The following WASF1 variants were observed in gnomAD, a reference collection of about 807,000 sequenced individuals.
WASF1 encodes WASP family member 1, also known as actin-binding protein WASF1.
WASF1 carries 7 observed loss-of-function variants against 50.5 expected under a neutral mutation model. That is an observed-to-expected ratio of 0.14 (90% CI 0.08 to 0.26). The LOEUF is 0.26. WASF1 is among the 10% of genes least tolerant of loss of function. The probability of loss-of-function intolerance (pLI) is 1.00; values close to 1 mark genes in which losing one functional copy is unlikely to be tolerated. For synonymous variants in WASF1, 205 were observed against 244.0 expected (o/e 0.84, Z 1.49); for missense variants, 470 against 694.7 (o/e 0.68, Z 3.64).
At chr6:110,117,504 A>G (rs140918958) in intron 4 of WASF1, among the ~76,000 whole-genome samples, 11,114 of 152,272 alleles carry the variant, frequency 0.073, 552 homozygotes, top group African/African-American at 0.14. Flanking sequence ...CAAGAAATAT[A>G]GGACTATATG....
intron 2 of WASF1, among the ~76,000 whole-genome samples, chr6:110,175,970 GTATTT>G (rs1776911131): frequency 1.3e-5 from 2 of 151,770 alleles, no homozygotes; most frequent in Admixed American, 1.3e-4. Flanking sequence ...TATAATTCAG[GTATTT>G]TATTATTTAA....
rs374056851 is a variant in WASF1, at chr6:110,126,457, T to C, written c.133+1012A>G. Among the ~76,000 whole-genome samples the C allele has an allele frequency of 5.9e-5, 9 of 152,316 alleles. No homozygotes were observed. In the East Asian group the frequency reaches 1.5e-3, roughly 26 times the overall value. ...ATTCAAATGTAACTTTTTATGTTGC[T>C]CTCGCTACAGGTATGCCTAAACTTT... On this transcript the variant is annotated intron_variant, in intron 4 of 10. Transcript: ENST00000392589.
At chr6:110,116,139 A>C (rs934789552) in intron 4 of WASF1, among the ~76,000 whole-genome samples, 1 of 152,214 alleles carries the variant, frequency 6.6e-6, no homozygotes, top group African/African-American at 2.4e-5. Flanking sequence ...TGATTTCTGC[A>C]TTTCCAACTG....
chr6:110,177,836 T>C (rs368672946), intron 2 of WASF1, among the ~76,000 whole-genome samples: 1 of 152,004 alleles, frequency 6.6e-6, no homozygotes, highest in Admixed American at 6.5e-5. Context: ...AGGAAAATTA[T>C]AAAAATACAA....
intron 7 of WASF1, among the ~76,000 whole-genome samples, 184 bp from the exon 8 acceptor site, chr6:110,105,763 T>A (rs1405768533): frequency 1.3e-5 from 2 of 152,340 alleles, no homozygotes; most frequent in East Asian, 1.9e-4. Flanking sequence ...TCTGCTGTAA[T>A]CCCAGTTTCC....
At chr6:110,164,151 T>C (rs892760775) in intron 2 of WASF1, among the ~76,000 whole-genome samples, 3 of 151,622 alleles carry the variant, frequency 2.0e-5, no homozygotes, top group Non-Finnish European at 4.4e-5. Context: ...GGTTTGAAGA[T>C]GACATTTTAA....
At chr6:110,138,213 A>G (rs1191478224) in intron 3 of WASF1, among the ~76,000 whole-genome samples, 1 of 152,230 alleles carries the variant, frequency 6.6e-6, no homozygotes, top group African/African-American at 2.4e-5. Flanking sequence ...CTGCGGCTGG[A>G]CTAGGTATAC....
chr6:110,103,491 C>T lies in WASF1; in HGVS notation c.780G>A (p.Met260Ile). The T allele has an allele frequency of 6.2e-7, 1 of 1,614,026 alleles. No homozygotes were observed. The highest frequency in any genetic ancestry group is 8.5e-7 in the Non-Finnish European group (1 of 1,179,942). The part of the protein sequence containing the change: ...YSLSALPFSQ[M>I]SELLTRAEER... The stretch of plus-strand genomic sequence containing the variant: ...CCTCAGCTCTAGTCAGAAGCTCACT[C>T]ATCTGACTAAATGGCAAGGCAGAAA... Residue 260 changes from methionine (M) to isoleucine (I), a missense_variant, in exon 9 of 11, where the codon ATG (methionine) becomes ATA (isoleucine). By Grantham distance (10) the Met-to-Ile change is conservative. This residue lies in a region of WASF1 where 294 missense variants were observed against 343.5 expected (regional missense o/e 0.86). Coordinates refer to ENST00000392589, the MANE Select transcript of WASF1 (RefSeq NM_003931.3).
At chr6:110,166,966 T>A (rs553227283) in intron 2 of WASF1, among the ~76,000 whole-genome samples, 1 of 152,064 alleles carries the variant, frequency 6.6e-6, no homozygotes, top group African/African-American at 2.4e-5. Flanking sequence ...TTAATATAAC[T>A]GGAGTTGCAG....
Position 110,105,402 on chromosome 6 carries a change from G to A in WASF1, c.713+5C>T, listed in dbSNP as rs1464872637. The A allele has an allele frequency of 6.3e-7, 1 of 1,581,434 alleles. No homozygotes were observed. The highest frequency in any genetic ancestry group is 1.2e-5 in the South Asian group (1 of 84,548). On this transcript the variant is annotated splice_donor_5th_base_variant and intron_variant, in intron 8 of 10. Transcript: ENST00000392589. The stretch of plus-strand genomic sequence containing the variant: ...ATTTAAAAAAAAAAACAAAAGTAAA[G>A]AAACCTTGTTTCAAAATGAGAGGCT...
intron 2 of WASF1, among the ~76,000 whole-genome samples, chr6:110,170,462 G>A (rs1435093042): frequency 6.6e-6 from 1 of 152,126 alleles, no homozygotes; most frequent in Admixed American, 6.5e-5. Context: ...GGGCTCAAGT[G>A]ATTGGCCTGA....
intron 7 of WASF1, among the ~76,000 whole-genome samples, chr6:110,105,855 GAA>G (rs1285077903): frequency 6.6e-6 from 1 of 152,186 alleles, no homozygotes; most frequent in East Asian, 1.9e-4. Context: ...TTTGAGGTCA[GAA>G]AGTCTTTCAG....
At chr6:110,176,846 C>T (rs1479550490) in intron 2 of WASF1, among the ~76,000 whole-genome samples, 1 of 151,996 alleles carries the variant, frequency 6.6e-6, no homozygotes, top group African/African-American at 2.4e-5. Context: ...CGAAACCATA[C>T]AATAGTAACT....
At chr6:110,110,407 C>A (rs1189506188) in intron 5 of WASF1, among the ~76,000 whole-genome samples, 1 of 152,188 alleles carries the variant, frequency 6.6e-6, no homozygotes, top group Non-Finnish European at 1.5e-5. Flanking sequence ...TGGATCAATT[C>A]TTGCCACTCT....
At chr6:110,123,862 G>A (rs554605087) in intron 4 of WASF1, among the ~76,000 whole-genome samples, 1 of 151,920 alleles carries the variant, frequency 6.6e-6, no homozygotes, top group South Asian at 2.1e-4. Flanking sequence ...AGATGGAAAA[G>A]ACTAATCTTG....
At chr6:110,144,258 C>T (rs2114561732) in intron 3 of WASF1, among the ~76,000 whole-genome samples, 1 of 152,278 alleles carries the variant, frequency 6.6e-6, no homozygotes, top group South Asian at 2.1e-4. Context: ...GCATAAATGT[C>T]TTCTTTTGAG....
At chr6:110,146,513 A>G (rs1295542238) in intron 3 of WASF1, among the ~76,000 whole-genome samples, 1 of 151,708 alleles carries the variant, frequency 6.6e-6, no homozygotes. Flanking sequence ...AGAACTGTAC[A>G]TTAAAAATAT....
chr6:110,108,416 G>A (rs1448794332), intron 6 of WASF1, 112 bp downstream of exon 6: 2 of 1,074,068 alleles, frequency 1.9e-6, no homozygotes, highest in Non-Finnish European at 2.6e-6. Context: ...TGGACAGAGA[G>A]GGCTCTCTGT....
chr6:110,143,649 GAA>G (rs1471014802), intron 3 of WASF1, among the ~76,000 whole-genome samples: 1 of 151,940 alleles, frequency 6.6e-6, no homozygotes, highest in Non-Finnish European at 1.5e-5. Context: ...AGATGTCACA[GAA>G]ATAATTACAT....
Sources: allele counts gnomAD v4.1 joint callset (sites outside exome capture counted in the v4.1 genomes callset), GRCh38; gene constraint gnomAD v4.1.1; regional missense constraint gnomAD v4.1.1; transcripts MANE v1.5; gene names NCBI Gene and HGNC (gene_info 2026-07-23, HGNC 2026-07-21).